Variants in MEGF10 observed in about 807,000 individuals in gnomAD.
The protein encoded by MEGF10 is multiple epidermal growth factor-like domains protein 10.
Under a neutral mutation model 147.5 loss-of-function variants are expected in MEGF10, and 86 were observed. That is an observed-to-expected ratio of 0.58 (90% CI 0.49 to 0.70). MEGF10 has a LOEUF of 0.70. Ranked by LOEUF, MEGF10 falls within the 30% of genes least tolerant of loss-of-function variation. The probability of loss-of-function intolerance (pLI) is 0.00; values close to 1 mark genes in which losing one functional copy is unlikely to be tolerated. For synonymous variants in MEGF10, 478 were observed against 525.5 expected (o/e 0.91, Z 1.24); for missense variants, 1,329 against 1,487.3 (o/e 0.89, Z 1.75).
intron 12 of MEGF10, 25 bp downstream of exon 12, chr5:127,420,232 G>T: frequency 6.2e-7 from 1 of 1,608,410 alleles, no homozygotes. Flanking sequence ...GCGCCCTGAC[G>T]GAAAACGCCT....
At chr5:127,268,293 T>C in the MEGF10 span, among the ~76,000 whole-genome samples, 4 of 152,232 alleles carry the variant, frequency 2.6e-5, no homozygotes, top group Non-Finnish European at 5.9e-5. Flanking sequence ...CAGTTTGTTA[T>C]AATTTCTGTT....
chr5:127,233,848 T>G, the MEGF10 span, among the ~76,000 whole-genome samples: 2 of 152,122 alleles, frequency 1.3e-5, no homozygotes, highest in Non-Finnish European at 2.9e-5. Context: ...GCCCTAGTAA[T>G]AGGGTTGAGA....
intron 4 of MEGF10, among the ~76,000 whole-genome samples, chr5:127,366,047 T>C (rs997118078): frequency 3.3e-5 from 5 of 152,156 alleles, no homozygotes; most frequent in African/African-American, 9.7e-5. Flanking sequence ...CTATATTGGT[T>C]TTTCATGTGG....
At chr5:127,415,437 G>A (rs942585231) in intron 9 of MEGF10, among the ~76,000 whole-genome samples, 1 of 152,168 alleles carries the variant, frequency 6.6e-6, no homozygotes, top group African/African-American at 2.4e-5. Flanking sequence ...AGGTGATAAG[G>A]CATGAGTGGA....
intron 12 of MEGF10, among the ~76,000 whole-genome samples, chr5:127,421,141 G>T (rs1764984064): frequency 6.6e-6 from 1 of 152,206 alleles, no homozygotes; most frequent in South Asian, 2.1e-4. Context: ...ACTTGGAGAT[G>T]AGCTTGAAGA....
At chr5:127,349,937 T>G (rs1246523431) in intron 4 of MEGF10, among the ~76,000 whole-genome samples, 1 of 152,186 alleles carries the variant, frequency 6.6e-6, no homozygotes, top group Non-Finnish European at 1.5e-5. Flanking sequence ...TTGAGATATG[T>G]AAATATTTTT....
chr5:127,285,112 A>G, the MEGF10 span, among the ~76,000 whole-genome samples: 3 of 152,322 alleles, frequency 2.0e-5, no homozygotes, highest in African/African-American at 7.2e-5. Context: ...ATAAATATAA[A>G]TGGAGAGGAA....
intron 22 of MEGF10, 128 bp downstream of exon 22, chr5:127,449,350 T>C (rs914844949): frequency 3.2e-6 from 4 of 1,269,278 alleles, no homozygotes; most frequent in East Asian, 2.4e-5. Context: ...AGCAGAATTA[T>C]GCCTAACACC....
At chr5:127,246,731 T>C in the MEGF10 span, among the ~76,000 whole-genome samples, 1 of 146,742 alleles carries the variant, frequency 6.8e-6, no homozygotes, top group Non-Finnish European at 1.5e-5. Context: ...AAAATTTAGA[T>C]TTAAAACATA....
the MEGF10 span, among the ~76,000 whole-genome samples, chr5:127,269,164 T>C: frequency 1.3e-5 from 2 of 152,174 alleles, no homozygotes; most frequent in Non-Finnish European, 2.9e-5. Flanking sequence ...TGCTGAAAAT[T>C]CTAAAAATCA....
At chr5:127,385,758 A>G (rs180813537) in intron 5 of MEGF10, among the ~76,000 whole-genome samples, 1 of 152,142 alleles carries the variant, frequency 6.6e-6, no homozygotes, top group Non-Finnish European at 1.5e-5. Flanking sequence ...CCCCTATGTA[A>G]TTCAACAATT....
intron 1 of MEGF10, among the ~76,000 whole-genome samples, chr5:127,324,292 A>G (rs1377486089): frequency 2.0e-5 from 3 of 152,206 alleles, no homozygotes; most frequent in African/African-American, 7.2e-5. Flanking sequence ...AATTATGACA[A>G]ATTTGGAAAA....
the MEGF10 span, among the ~76,000 whole-genome samples, chr5:127,283,631 A>G: frequency 6.6e-6 from 1 of 152,232 alleles, no homozygotes; most frequent in Non-Finnish European, 1.5e-5. Context: ...GCAATCCAAG[A>G]AACAGAAGCA....
chr5:127,254,480 G>A, the MEGF10 span, among the ~76,000 whole-genome samples: 3 of 152,040 alleles, frequency 2.0e-5, no homozygotes, highest in Non-Finnish European at 2.9e-5. Flanking sequence ...AAGAGATAAA[G>A]CTTTTCCAGA....
intron 23 of MEGF10, 97 bp from the exon 24 acceptor site, chr5:127,455,304 T>C: frequency 9.9e-7 from 1 of 1,008,580 alleles, no homozygotes; most frequent in African/African-American, 1.6e-5. Flanking sequence ...TGTAGAATTA[T>C]GGAAACCTAG....
intron 16 of MEGF10, among the ~76,000 whole-genome samples, chr5:127,435,773 G>A (rs1044599584): frequency 1.3e-4 from 19 of 151,756 alleles, no homozygotes; most frequent in African/African-American, 4.1e-4. Flanking sequence ...TTGAAATAAA[G>A]CAAAAACAGC....
the MEGF10 span, among the ~76,000 whole-genome samples, chr5:127,267,596 C>G: frequency 2.0e-5 from 3 of 152,264 alleles, no homozygotes; most frequent in East Asian, 3.9e-4. Flanking sequence ...GCCTCAATTT[C>G]AGAGCCTGTT....
the MEGF10 span, among the ~76,000 whole-genome samples, chr5:127,240,298 G>A: frequency 6.6e-6 from 1 of 152,150 alleles, no homozygotes; most frequent in African/African-American, 2.4e-5. Context: ...CCCAGCATGG[G>A]CCTGGTAGCA....
At chr5:127,348,267 A>G (rs529859829) in intron 4 of MEGF10, among the ~76,000 whole-genome samples, 114 of 152,242 alleles carry the variant, frequency 7.5e-4, no homozygotes, top group African/African-American at 2.5e-3. Context: ...TTCTAGTCAT[A>G]TAAAATGTAT....
Sources: allele counts gnomAD v4.1 joint callset (sites outside exome capture counted in the v4.1 genomes callset), GRCh38; gene constraint gnomAD v4.1.1; transcripts MANE v1.5; gene names NCBI Gene and HGNC (gene_info 2026-07-23, HGNC 2026-07-21).